Variants in WWOX observed in about 807,000 individuals in gnomAD.
The protein encoded by WWOX is WW domain-containing oxidoreductase.
Under a neutral mutation model 46.2 loss-of-function variants are expected in WWOX, and 69 were observed. The observed-to-expected ratio is 1.49, with a 90% CI of 1.23 to 1.82. The LOEUF is 1.82. Ranked by LOEUF, WWOX falls within the 40% of genes most tolerant of loss-of-function variation. The pLI, the probability that WWOX is intolerant of heterozygous loss-of-function variation, is 0.00. For synonymous variants in WWOX, 359 were observed against 202.6 expected (o/e 1.77, Z -6.56); for missense variants, 919 against 542.6 (o/e 1.69, Z -6.89).
chr16:78,106,421 G>GTTTT (rs34551316), intron 1 of WWOX, among the ~76,000 whole-genome samples: 25 of 122,990 alleles, frequency 2.0e-4, no homozygotes, highest in Non-Finnish European at 3.3e-4. Context: ...GTTTTTTTTT[G>GTTTT]TTTTTTTTTT....
In WWOX at chr16:78,985,824, C is replaced by G. The variant is rs530990779; in HGVS notation, c.1057-225784C>G. ...TTACCTGGATCCTCACATTGCAATG[C>G]TGACCACTCCGGAAGGAGTGTAGAA... On this transcript the variant is annotated intron_variant, in intron 8 of 8. Coordinates refer to ENST00000566780, the MANE Select transcript of WWOX (RefSeq NM_016373.4). Among the ~76,000 whole-genome samples, 7 of 152,362 alleles carry G rather than the reference C, an allele frequency of 4.6e-5. No individual in the cohort carries two copies. The East Asian group carries it at 1.3e-3, about 29-fold the overall frequency.
intron 8 of WWOX, among the ~76,000 whole-genome samples, chr16:78,735,932 G>T (rs565601517): frequency 1.3e-5 from 2 of 151,914 alleles, no homozygotes; most frequent in Non-Finnish European, 2.9e-5. Context: ...TCTCACCTCC[G>T]AATAGGTGGG....
intron 5 of WWOX, among the ~76,000 whole-genome samples, chr16:78,297,702 C>G (rs922147437): frequency 6.6e-6 from 1 of 152,134 alleles, no homozygotes; most frequent in Non-Finnish European, 1.5e-5. Context: ...ATTTTGTAAT[C>G]TACGAACTGG....
chr16:78,697,361 C>T (rs1412061903), intron 8 of WWOX, among the ~76,000 whole-genome samples: 1 of 152,092 alleles, frequency 6.6e-6, no homozygotes, highest in Non-Finnish European at 1.5e-5. Flanking sequence ...GCCATTCTTG[C>T]AGGAGTAAGA....
chr16:78,985,633 G>A (rs909745509), intron 8 of WWOX, among the ~76,000 whole-genome samples: 1 of 152,220 alleles, frequency 6.6e-6, no homozygotes, highest in Non-Finnish European at 1.5e-5. Context: ...GCTGTGCATA[G>A]TGGTGCATGC....
intron 5 of WWOX, among the ~76,000 whole-genome samples, chr16:78,294,340 A>T (rs1355184661): frequency 6.6e-6 from 1 of 152,090 alleles, no homozygotes; most frequent in Non-Finnish European, 1.5e-5. Flanking sequence ...AAGAGCTTGC[A>T]ACTGATGAGC....
chr16:78,239,965 G>C (rs1012876483), intron 5 of WWOX, among the ~76,000 whole-genome samples: 5 of 147,588 alleles, frequency 3.4e-5, no homozygotes, highest in African/African-American at 1.3e-4. Flanking sequence ...AAGCCAGTTG[G>C]ACAGACACAG....
At position 78,143,752 on chromosome 16, in the gene WWOX, GTTTTT is replaced by G. The variant is rs200125720; in HGVS notation, c.410-20416_410-20412del. Among the ~76,000 whole-genome samples the G allele has an allele frequency of 3.1e-4, 37 of 120,220 alleles. No homozygotes were observed. The East Asian group carries it at 6.6e-3, about 21-fold the overall frequency. 78.9% of individuals were successfully genotyped at this position (120,220 alleles called of 152,430 possible). A position where few individuals can be genotyped will look rare whatever the true frequency, so the allele number is the denominator to read the frequency against. Reference sequence around the variant, plus strand: ...CTCATTCCTCTAAAAGAATTGGTATGTTTTTTTTTTTTTTTTTTTGGTGGTGGTTG... The same window carrying G: ...CTCATTCCTCTAAAAGAATTGGTATGTTTTTTTTTTTTTTGGTGGTGGTTG... On this transcript the variant is annotated intron_variant, in intron 4 of 8. Transcript: ENST00000566780.
chr16:78,246,366 T>TC (rs2037815577), intron 5 of WWOX, among the ~76,000 whole-genome samples: 1 of 152,200 alleles, frequency 6.6e-6, no homozygotes, highest in South Asian at 2.1e-4. Context: ...ACCTTTTTTT[T>TC]CCCCTTCTGT....
At position 78,350,399 on chromosome 16, in the gene WWOX, A is replaced by C. The variant is rs2081162898; in HGVS notation, c.517-36461A>C. On this transcript the variant is annotated intron_variant, in intron 5 of 8. Transcript: ENST00000566780. ...CCACAGTCAAGTTTAGAATATTTTC[A>C]TTTTCCCAAAAAGAAACCCTTGACT... 1.7e-5 allele frequency among the ~76,000 whole-genome samples: 2 copies of C among 120,900 alleles called. 1 individual carries two copies. The highest frequency in any genetic ancestry group is 4.9e-4 in the South Asian group (2 of 4,054). The allele number at this position is 120,900 out of a possible 152,430, so 79.3% of individuals were successfully genotyped here.
chr16:79,052,477 G>C (rs545977407), intron 8 of WWOX, among the ~76,000 whole-genome samples: 10 of 152,306 alleles, frequency 6.6e-5, no homozygotes, highest in African/African-American at 2.4e-4. Context: ...AAAGACACAT[G>C]CACACATATG....
intron 8 of WWOX, among the ~76,000 whole-genome samples, chr16:78,981,146 G>A (rs958140671): frequency 1.3e-5 from 2 of 152,184 alleles, no homozygotes; most frequent in East Asian, 1.9e-4. Context: ...TGGGAGGACC[G>A]TTGTACTGCA....
intron 5 of WWOX, among the ~76,000 whole-genome samples, chr16:78,191,986 A>T (rs2035896813): frequency 2.0e-5 from 3 of 152,308 alleles, no homozygotes; most frequent in Non-Finnish European, 1.5e-5. Flanking sequence ...ATAAAGAATG[A>T]CAAAGATGCG....
At chr16:79,157,156 A>T (rs1316225266) in intron 8 of WWOX, among the ~76,000 whole-genome samples, 2 of 152,382 alleles carry the variant, frequency 1.3e-5, no homozygotes, top group East Asian at 3.9e-4. Flanking sequence ...CAGGGAGAAG[A>T]GAAAAAGTGA....
intron 5 of WWOX, among the ~76,000 whole-genome samples, chr16:78,336,977 C>T (rs1027878547): frequency 7.2e-5 from 11 of 152,036 alleles, no homozygotes; most frequent in African/African-American, 2.4e-4. Flanking sequence ...GACGGGGTTT[C>T]AGCATGTTGG....
At chr16:78,542,433 A>T (rs1182188996) in intron 8 of WWOX, among the ~76,000 whole-genome samples, 1 of 152,134 alleles carries the variant, frequency 6.6e-6, no homozygotes, top group Non-Finnish European at 1.5e-5. Flanking sequence ...CTAGTCCCCC[A>T]GTTTGCGTTT....
Position 79,154,218 on chromosome 16 carries a change from A to G in WWOX, c.1057-57390A>G, listed in dbSNP as rs185057065. Among the ~76,000 whole-genome samples the G allele has an allele frequency of 4.6e-5, 7 of 152,344 alleles. No individual in the cohort carries two copies. The East Asian group carries it at 1.4e-3, about 29-fold the overall frequency. ...CCACTAAATCCTTTTAATTTAGTCT[A>G]GTGCAACAAGTATTTGTGTAAGTGT... On this transcript the variant is annotated intron_variant, in intron 8 of 8. Transcript: ENST00000566780.
chr16:78,854,181 G>A (rs2052516055), intron 8 of WWOX, among the ~76,000 whole-genome samples: 1 of 152,052 alleles, frequency 6.6e-6, no homozygotes, highest in African/African-American at 2.4e-5. Flanking sequence ...TAATAATTGT[G>A]AACATTGTTC....
At chr16:78,675,208 G>A (rs779155229) in intron 8 of WWOX, among the ~76,000 whole-genome samples, 5 of 152,198 alleles carry the variant, frequency 3.3e-5, no homozygotes, top group South Asian at 4.2e-4. Flanking sequence ...TGGGGTTTCT[G>A]GAGGTGAGTG....
Sources: gnomAD v4.1 joint callset for allele counts (sites outside exome capture counted in the v4.1 genomes callset) on GRCh38, gnomAD v4.1.1 for gene constraint, MANE v1.5 for transcripts, NCBI Gene and HGNC (gene_info 2026-07-23, HGNC 2026-07-21) for gene names.